BCDIN3D: variants seen among roughly 807,000 people sequenced by gnomAD.
BCDIN3D encodes BCDIN3 domain containing RNA methyltransferase, also known as RNA 5'-monophosphate methyltransferase.
Under a neutral mutation model 21.2 loss-of-function variants are expected in BCDIN3D, and 15 were observed. The ratio of observed to expected loss-of-function variants is 0.71; its 90% confidence interval spans 0.47 to 1.09. The LOEUF (loss-of-function observed/expected upper bound fraction) is 1.09. Ranked by LOEUF, BCDIN3D falls within the 50% of genes least tolerant of loss-of-function variation. BCDIN3D has a pLI of 0.00. For missense variants in BCDIN3D, 331 were observed against 366.2 expected, an observed-to-expected ratio of 0.90 and a Z score of 0.79; for synonymous variants, 127 against 141.9, an observed-to-expected ratio of 0.90 and a Z score of 0.75.
intron 1 of BCDIN3D, 141 bp downstream of exon 1, chr12:49,842,713 G>A: frequency 2.7e-6 from 2 of 729,610 alleles, no homozygotes; most frequent in Non-Finnish European, 4.6e-6. Context: ...AGGCAGCAGC[G>A]GCACTGGCTC....
rs753638454 is a variant in BCDIN3D, at chr12:49,838,749, G to A, written c.501C>T (p.Thr167=). Residue 167 remains threonine (T), a synonymous_variant, in exon 2 of 2, where the codon ACC becomes ACT. Coordinates refer to ENST00000333924, the MANE Select transcript of BCDIN3D (RefSeq NM_181708.3). ...CTCCATGATTCAGATGAATCCACAT[G>A]GTTATTGACATGCAGAAGCCAATGT... ...VFDIGFCMSI[T]MWIHLNHGDH... The A allele has an allele frequency of 1.2e-6, 2 of 1,614,206 alleles. No individual in the cohort carries two copies. The highest frequency in any genetic ancestry group is 2.2e-5 in the South Asian group (2 of 91,086).
chr12:49,843,055 A>G lies in BCDIN3D; in HGVS notation c.33T>C (p.Ser11=), dbSNP rs567867206. 4.8e-5 allele frequency: 78 copies of G among 1,613,466 alleles called. 2 individuals carry two copies. Among genetic ancestry groups the G allele is most frequent in the South Asian group, 4.2e-4 (38 of 91,032 alleles). The change falls in exon 1 of 2, where the codon AGT becomes AGC. Residue 11 remains serine (S), a synonymous_variant. Transcript: ENST00000333924. ...CCTCTTCCGCTGCGGTCTCCTTAAC[A>G]CTCCCTCCATCCAGTTCCGTGGGCA... MAVPTELDGG[S]VKETAAEEES... is the part of the protein sequence containing the mutation.
In BCDIN3D at chr12:49,842,858, G is replaced by A. The variant is rs145550866; in HGVS notation, c.230C>T (p.Ser77Phe). The A allele has an allele frequency of 1.9e-6, 3 of 1,597,738 alleles. No homozygotes were observed. Among genetic ancestry groups the A allele is most frequent in the Non-Finnish European group, 2.6e-6 (3 of 1,171,494 alleles). Residue 77 changes from serine to phenylalanine, a missense_variant, in exon 1 of 2, where the codon TCC becomes TTC. Coordinates refer to ENST00000333924, the MANE Select transcript of BCDIN3D (RefSeq NM_181708.3). ...AATCCCTCCCCTGTCACTCACCCCG[G>A]AGTTACACCCCACGTCGAGCCCCAG... is the stretch of plus-strand genomic sequence containing the variant. ...PILGLDVGCN[S>F]GDLSVALYKH...
rs1946526926 is a variant in BCDIN3D at position 49,838,545 on chromosome 12, C to T, written c.705G>A (p.Val235=). The T allele has an allele frequency of 1.9e-6, 3 of 1,614,038 alleles. No individual in the cohort carries two copies. Among genetic ancestry groups the T allele is most frequent in the Admixed American group, 1.7e-5 (1 of 59,984 alleles). Residue 235 remains valine (V), a synonymous_variant, in exon 2 of 2, where the codon GTG becomes GTA. Coordinates refer to ENST00000333924, the MANE Select transcript of BCDIN3D (RefSeq NM_181708.3). ...AIRGDMPNQI[V]QILTQDHGME... ...TGCCATGATCCTGGGTCAAGATCTGCACAATCTGATTGGGCATGTCACCTC... is the reference window on the plus strand; with the variant it reads ...TGCCATGATCCTGGGTCAAGATCTGTACAATCTGATTGGGCATGTCACCTC...
rs147945649 is a variant in BCDIN3D, at chr12:49,839,006, C to T, written c.244G>A (p.Val82Met). 341 of 1,612,240 alleles carry T rather than the reference C, an allele frequency of 2.1e-4. No individual in the cohort carries two copies. The highest frequency in any genetic ancestry group is 2.7e-4 in the Non-Finnish European group (320 of 1,179,282). ...GAGAGGAAGTGTTTGTATAGAGCCA[C>T]ACTCAGATCCTAGAGGAATCCAAAA... is the stretch of plus-strand genomic sequence containing the variant. ...DVGCNSGDLS[V>M]ALYKHFLSLP... Residue 82 changes from valine to methionine, a missense_variant, in exon 2 of 2, where the codon GTG becomes ATG. Transcript: ENST00000333924.
chr12:49,842,897 T>A lies in BCDIN3D; in HGVS notation c.191A>T (p.Glu64Val), dbSNP rs150210644. The A allele has an allele frequency of 5.6e-6, 9 of 1,613,216 alleles. No homozygotes were observed. Among genetic ancestry groups the A allele is most frequent in the Non-Finnish European group, 6.8e-6 (8 of 1,179,424 alleles). ...GTCGAGCCCCAGAATCGGCCCGTTC[T>A]CGGGACTCTCAGGAAAGAGCTGTCG... is the stretch of plus-strand genomic sequence containing the variant. ...LLRQLFPESPENGPILGLDVG... is the reference protein window; with the variant it reads ...LLRQLFPESPVNGPILGLDVG... Residue 64 changes from glutamate to valine, a missense_variant, in exon 1 of 2, where the codon GAG (glutamate) becomes GTG (valine). Coordinates refer to ENST00000333924, the MANE Select transcript of BCDIN3D (RefSeq NM_181708.3).
rs1276669082 is a variant in BCDIN3D at position 49,838,912 on chromosome 12, G to C, written c.338C>G (p.Pro113Arg). ...EFRLLCCDID[P>R]VLVKRAEKEC... ...TTTTTCGGCTCGCTTCACCAGGACT[G>C]GATCTATGTCGCAGCAGAGGAGACG... is the stretch of plus-strand genomic sequence containing the variant. Residue 113 changes from proline (P) to arginine (R), a missense_variant, in exon 2 of 2, where the codon CCA (proline) becomes CGA (arginine). Transcript: ENST00000333924. 3 of 1,614,116 alleles carry C rather than the reference G, an allele frequency of 1.9e-6. No homozygotes were observed. The highest frequency in any genetic ancestry group is 1.7e-6 in the Non-Finnish European group (2 of 1,180,058).
At chr12:49,841,990 CAAG>C (rs1946556158) in intron 1 of BCDIN3D, among the ~76,000 whole-genome samples, 1 of 152,258 alleles carries the variant, frequency 6.6e-6, no homozygotes, top group African/African-American at 2.4e-5. Context: ...TAGTTTGCAG[CAAG>C]AAGAGTGGCA....
At position 49,838,656 on chromosome 12, in the gene BCDIN3D, T is replaced by C. The variant is rs12311266; in HGVS notation, c.594A>G (p.Gln198=). 1,666 of 1,613,678 alleles carry C rather than the reference T, an allele frequency of 1.0e-3. 9 individuals carry two copies. In the African/African-American group the frequency reaches 0.018, roughly 18 times the overall value. ...CAGCTGCCCGGTAACACTTCCAGGG[T>C]TGGGGCTCCACAAGGAGGTAGTGGC... ...SLCHYLLVEP[Q]PWKCYRAAAR... Residue 198 remains glutamine, a synonymous_variant, in exon 2 of 2, where the codon CAA becomes CAG. Transcript: ENST00000333924.
chr12:49,838,789 C>G lies in BCDIN3D; in HGVS notation c.461G>C (p.Gly154Ala). 1 of 1,614,156 alleles carries G rather than the reference C, an allele frequency of 6.2e-7. No individual in the cohort carries two copies. Among genetic ancestry groups the G allele is most frequent in the Non-Finnish European group, 8.5e-7 (1 of 1,180,034 alleles). The change falls in exon 2 of 2, where the codon GGA (glycine) becomes GCA (alanine). Residue 154 changes from glycine to alanine, a missense_variant. Physicochemically the swap from Gly to Ala is moderately conservative, Grantham distance 60. Transcript: ENST00000333924. ...VLLSSFLSQF[G>A]RSVFDIGFCM... ...GAAGCCAATGTCAAAAACTGAACGT[C>G]CAAATTGGCTTAAGAAAGAGCTCAA...
Position 49,838,736 on chromosome 12 carries a change from G to C in BCDIN3D, c.514C>G (p.Leu172Val). ...FCMSITMWIH[L>V]NHGDHGLWEF... ...CATAGGCCATGGTCTCCATGATTCA[G>C]ATGAATCCACATGGTTATTGACATG... The change falls in exon 2 of 2, where the codon CTG becomes GTG. Residue 172 changes from leucine (L) to valine (V), a missense_variant. Coordinates refer to ENST00000333924, the MANE Select transcript of BCDIN3D (RefSeq NM_181708.3). The C allele has an allele frequency of 6.2e-7, 1 of 1,614,198 alleles. No homozygotes were observed. The highest frequency in any genetic ancestry group is 8.5e-7 in the Non-Finnish European group (1 of 1,180,038).
intron 1 of BCDIN3D, among the ~76,000 whole-genome samples, chr12:49,841,577 C>T (rs1019319650): frequency 7.2e-5 from 11 of 152,136 alleles, no homozygotes; most frequent in African/African-American, 2.4e-4. Context: ...AAGCCTTAAC[C>T]TCAGTCTCTC....
In BCDIN3D at chr12:49,838,614, C is replaced by G. The variant is rs1946528269; in HGVS notation, c.636G>C (p.Lys212Asn). 1 of 1,613,662 alleles carries G rather than the reference C, an allele frequency of 6.2e-7. No individual in the cohort carries two copies. The highest frequency in any genetic ancestry group is 1.7e-5 in the Admixed American group (1 of 59,992). Residue 212 changes from lysine (K) to asparagine (N), a missense_variant, in exon 2 of 2, where the codon AAG (lysine) becomes AAC (asparagine). Physicochemically the swap from Lys to Asn is moderately conservative, Grantham distance 94 (BLOSUM62 0). Coordinates refer to ENST00000333924, the MANE Select transcript of BCDIN3D (RefSeq NM_181708.3). Reference sequence around the variant, plus strand: ...AGTGGTCAAAATCATGGAGTCCCAGCTTTCGGAGACGCCTTGCAGCTGCCC... The same window carrying G: ...AGTGGTCAAAATCATGGAGTCCCAGGTTTCGGAGACGCCTTGCAGCTGCCC... ...CYRAAARRLR[K>N]LGLHDFDHFH...
At position 49,838,852 on chromosome 12, in the gene BCDIN3D, G is replaced by A; in HGVS notation, c.398C>T (p.Thr133Ile). 6.2e-7 allele frequency: 1 copy of A among 1,614,228 alleles called. No individual in the cohort carries two copies. Among genetic ancestry groups the A allele is most frequent in the African/African-American group, 1.3e-5 (1 of 75,046 alleles). ...CPFPDALTFI[T>I]LDFMNQRTRK... ...GGTCCTTTGATTCATGAAGTCCAGG[G>A]TGATAAAAGTCAAGGCATCAGGAAA... The change falls in exon 2 of 2, where the codon ACC becomes ATC. Residue 133 changes from threonine to isoleucine, a missense_variant. By Grantham distance (89) the Thr-to-Ile change is moderately conservative. Coordinates refer to ENST00000333924, the MANE Select transcript of BCDIN3D (RefSeq NM_181708.3).
intron 1 of BCDIN3D, chr12:49,842,339 A>G (rs1946559143): frequency 6.5e-6 from 1 of 153,166 alleles, no homozygotes; most frequent in Non-Finnish European, 1.5e-5. Context: ...TCGGCCTCCG[A>G]AAGTGCTGGG....
In BCDIN3D at chr12:49,837,182, G is replaced by C. The variant is rs1424028046; in HGVS notation, c.*1189C>G. 6.6e-6 allele frequency: 1 copy of C among 152,016 alleles called. No individual in the cohort carries two copies. The highest frequency in any genetic ancestry group is 6.6e-5 in the Admixed American group (1 of 15,254). 9.4% of individuals were successfully genotyped at this position (152,016 alleles called of 1,614,324 possible). On this transcript the variant is annotated 3_prime_UTR_variant, in exon 2 of 2. Transcript: ENST00000333924. ...GATTCTGATGTACCTAAGAACTAAG[G>C]GATATAATGACAAAACAGGAAAAAT... is the stretch of plus-strand genomic sequence containing the variant.
chr12:49,841,581 G>A (rs901168135), intron 1 of BCDIN3D, among the ~76,000 whole-genome samples: 10 of 152,118 alleles, frequency 6.6e-5, no homozygotes, highest in African/African-American at 2.4e-4. Context: ...CTTAACCTCA[G>A]TCTCTCTTTT....
In BCDIN3D at chr12:49,838,932, G is replaced by C; in HGVS notation, c.318C>G (p.Leu106=). The C allele has an allele frequency of 1.2e-6, 2 of 1,614,178 alleles. No individual in the cohort carries two copies. Among genetic ancestry groups the C allele is most frequent in the Non-Finnish European group, 1.7e-6 (2 of 1,180,048 alleles). The part of the protein sequence containing the change: ...TCSDASREFR[L]LCCDIDPVLV... ...GGACTGGATCTATGTCGCAGCAGAG[G>C]AGACGGAATTCTCTTGAGGCATCTG... The change falls in exon 2 of 2, where the codon CTC becomes CTG. Residue 106 remains leucine (L), a synonymous_variant. Coordinates refer to ENST00000333924, the MANE Select transcript of BCDIN3D (RefSeq NM_181708.3).
chr12:49,841,319 A>T (rs1408253029), intron 1 of BCDIN3D, among the ~76,000 whole-genome samples: 2 of 152,158 alleles, frequency 1.3e-5, no homozygotes, highest in African/African-American at 4.8e-5. Context: ...TTTTTAGTAT[A>T]TACCCCTTTG....
Sources: allele counts gnomAD v4.1 joint callset (sites outside exome capture counted in the v4.1 genomes callset), GRCh38; gene constraint gnomAD v4.1.1; transcripts MANE v1.5; gene names NCBI Gene and HGNC (gene_info 2026-07-23, HGNC 2026-07-21).